The following TRPM3 variants were observed in gnomAD, a reference collection of about 807,000 sequenced individuals.
The protein encoded by TRPM3 is long transient receptor potential channel 3.
TRPM3 carries 77 observed loss-of-function variants against 181.2 expected under a neutral mutation model. The ratio of observed to expected loss-of-function variants is 0.42; its 90% CI spans 0.35 to 0.51. TRPM3 has a LOEUF of 0.51. TRPM3 is among the 20% of genes least tolerant of loss of function. The pLI is 0.01. For missense variants in TRPM3, 1,759 were observed against 2,196.7 expected, an observed-to-expected ratio of 0.80 and a Z score of 3.98; for synonymous variants, 745 against 796.4, an observed-to-expected ratio of 0.94 and a Z score of 1.09.
chr9:71,104,087 C>A (rs1044629439), intron 1 of TRPM3, among the ~76,000 whole-genome samples: 1 of 151,980 alleles, frequency 6.6e-6, no homozygotes, highest in African/African-American at 2.4e-5. Flanking sequence ...TCTAATTTTG[C>A]ATTTTTTTAG....
intron 1 of TRPM3, among the ~76,000 whole-genome samples, chr9:71,085,449 C>A (rs1383940239): frequency 6.6e-6 from 1 of 151,508 alleles, no homozygotes; most frequent in Non-Finnish European, 1.5e-5. Flanking sequence ...AAACAAATAA[C>A]CCCATAAAAA....
intron 20 of TRPM3, among the ~76,000 whole-genome samples, chr9:70,601,610 G>A (rs936031022): frequency 2.0e-5 from 3 of 152,138 alleles, no homozygotes; most frequent in Non-Finnish European, 4.4e-5. Flanking sequence ...GGTGGTCACC[G>A]CCTCACTCCC....
intron 8 of TRPM3, among the ~76,000 whole-genome samples, chr9:70,754,886 T>C (rs1411839656): frequency 6.6e-6 from 1 of 152,104 alleles, no homozygotes; most frequent in Non-Finnish European, 1.5e-5. Context: ...AAGACAGTCC[T>C]AGCTTGGCTC....
At chr9:71,027,434 T>A (rs2056709486) in intron 1 of TRPM3, among the ~76,000 whole-genome samples, 1 of 152,124 alleles carries the variant, frequency 6.6e-6, no homozygotes, top group South Asian at 2.1e-4. Context: ...ACACACTAGT[T>A]CCCCAGCAAG....
intron 4 of TRPM3, among the ~76,000 whole-genome samples, chr9:70,846,079 T>C (rs758820093): frequency 1.3e-5 from 2 of 152,246 alleles, no homozygotes; most frequent in Non-Finnish European, 2.9e-5. Context: ...TAAAGAATTA[T>C]TGGCAACTTG....
chr9:71,386,672 T>C (rs2092931177), intron 1 of TRPM3, among the ~76,000 whole-genome samples: 2 of 152,196 alleles, frequency 1.3e-5, no homozygotes, highest in African/African-American at 4.8e-5. Context: ...ATTATTACTA[T>C]ATGATATTAT....
At chr9:70,670,527 G>C (rs1462054120) in intron 9 of TRPM3, among the ~76,000 whole-genome samples, 1 of 152,168 alleles carries the variant, frequency 6.6e-6, no homozygotes. Flanking sequence ...AGGTAGCTTA[G>C]CATGTGCTTA....
intron 1 of TRPM3, among the ~76,000 whole-genome samples, chr9:71,056,731 A>G (rs1374015872): frequency 2.6e-5 from 4 of 152,072 alleles, no homozygotes; most frequent in Admixed American, 1.3e-4. Context: ...CTACAAACCA[A>G]TGAGAGAGGC....
chr9:70,748,391 T>C (rs533386181), intron 8 of TRPM3, among the ~76,000 whole-genome samples: 2 of 152,274 alleles, frequency 1.3e-5, no homozygotes, highest in East Asian at 3.9e-4. Flanking sequence ...ATGTCTATTA[T>C]GTTCTAAATA....
intron 1 of TRPM3, among the ~76,000 whole-genome samples, chr9:71,378,879 G>A (rs115644703): frequency 0.012 from 1,861 of 151,832 alleles, 33 homozygotes; most frequent in African/African-American, 0.04. Flanking sequence ...TATATAATGC[G>A]TACAACTATC....
At chr9:70,930,892 A>AAT (rs772941403) in intron 1 of TRPM3, among the ~76,000 whole-genome samples, 38 of 152,088 alleles carry the variant, frequency 2.5e-4, no homozygotes, top group Non-Finnish European at 4.9e-4. Context: ...AATAAAAATA[A>AAT]ATATATATAT....
At chr9:71,063,669 T>A (rs114977978) in intron 1 of TRPM3, among the ~76,000 whole-genome samples, 449 of 152,026 alleles carry the variant, frequency 3.0e-3, no homozygotes, top group African/African-American at 0.01. Flanking sequence ...TAGACAAAGA[T>A]GGCTGAGGGG....
chr9:71,192,268 T>C (rs1397397012), intron 1 of TRPM3, among the ~76,000 whole-genome samples: 6 of 151,744 alleles, frequency 4.0e-5, no homozygotes, highest in Non-Finnish European at 5.9e-5. Flanking sequence ...AGAAGAGAGT[T>C]TGAATGAATA....
At chr9:71,278,619 T>A (rs908342009) in intron 1 of TRPM3, among the ~76,000 whole-genome samples, 2 of 152,192 alleles carry the variant, frequency 1.3e-5, no homozygotes, top group African/African-American at 4.8e-5. Flanking sequence ...TCTCTAGATA[T>A]GACATCAAAG....
intron 9 of TRPM3, among the ~76,000 whole-genome samples, chr9:70,658,304 C>T (rs1485820238): frequency 6.6e-6 from 1 of 151,974 alleles, no homozygotes; most frequent in Non-Finnish European, 1.5e-5. Flanking sequence ...TGTTTTAAAC[C>T]TTTGATATTT....
intron 1 of TRPM3, among the ~76,000 whole-genome samples, chr9:71,349,597 CA>C (rs1426767682): frequency 6.6e-6 from 1 of 152,108 alleles, no homozygotes; most frequent in Non-Finnish European, 1.5e-5. Flanking sequence ...AAAACCAAAA[CA>C]AATCAAAACC....
intron 1 of TRPM3, among the ~76,000 whole-genome samples, chr9:70,923,841 T>C (rs917221732): frequency 2.4e-5 from 3 of 124,978 alleles, no homozygotes; most frequent in Admixed American, 7.7e-5. Flanking sequence ...TATATATATA[T>C]ATACACACAC....
rs28840099 is a variant in TRPM3 at position 71,010,932 on chromosome 9, T to C, written c.177+110246A>G. ...AAAATGACACACACACACACACACATACACACACACACACACACACACACA... is the reference window on the plus strand; with the variant it reads ...AAAATGACACACACACACACACACACACACACACACACACACACACACACA... On this transcript the variant is annotated intron_variant, in intron 1 of 25. Transcript: ENST00000677713. Among the ~76,000 whole-genome samples the C allele has an allele frequency of 6.8e-3, 1,004 of 147,208 alleles. 5 individuals are homozygous for C. The highest frequency in any genetic ancestry group is 0.024 in the African/African-American group (933 of 39,082).
At chr9:70,739,250 T>C (rs540071476) in intron 8 of TRPM3, among the ~76,000 whole-genome samples, 1 of 152,208 alleles carries the variant, frequency 6.6e-6, no homozygotes, top group Admixed American at 6.5e-5. Flanking sequence ...GCTAACCAAA[T>C]GCAACAGCAT....
Sources: allele counts gnomAD v4.1 joint callset (sites outside exome capture counted in the v4.1 genomes callset), GRCh38; gene constraint gnomAD v4.1.1; transcripts MANE v1.5; gene names NCBI Gene and HGNC (gene_info 2026-07-23, HGNC 2026-07-21).